MYO3B: variants seen among roughly 807,000 people sequenced by gnomAD.
The protein encoded by MYO3B is myosin IIIB.
In MYO3B, 156 loss-of-function variants were observed where a neutral mutation model predicts 174.6. The ratio of observed to expected loss-of-function variants is 0.89; its 90% CI spans 0.78 to 1.02. MYO3B has a LOEUF of 1.02. Among genes scored for constraint, MYO3B ranks in the 50% least tolerant of loss-of-function variants. The pLI is 0.00. For missense variants in MYO3B, 1,632 were observed against 1,639.4 expected, an observed-to-expected ratio of 1.00 and a Z score of 0.08; for synonymous variants, 563 against 569.1, an observed-to-expected ratio of 0.99 and a Z score of 0.15.
intron 25 of MYO3B, among the ~76,000 whole-genome samples, chr2:170,471,940 G>A (rs188049934): frequency 1.1e-4 from 16 of 150,742 alleles, no homozygotes; most frequent in African/African-American, 3.4e-4. Flanking sequence ...GTGGTGAGCC[G>A]AGATCGCGCC....
chr2:170,210,309 CTTTAT>C (rs2092756714), intron 3 of MYO3B, among the ~76,000 whole-genome samples: 1 of 152,166 alleles, frequency 6.6e-6, no homozygotes, highest in South Asian at 2.1e-4. Flanking sequence ...AAACTGTCAG[CTTTAT>C]TTTATCTAAT....
intron 22 of MYO3B, among the ~76,000 whole-genome samples, chr2:170,433,849 C>T (rs566411702): frequency 2.0e-5 from 3 of 152,306 alleles, no homozygotes; most frequent in South Asian, 2.1e-4. Flanking sequence ...ATATCCCTGT[C>T]GTTAAGCAGC....
chr2:170,233,645 G>A (rs1208029946), intron 6 of MYO3B, among the ~76,000 whole-genome samples: 1 of 152,218 alleles, frequency 6.6e-6, no homozygotes, highest in African/African-American at 2.4e-5. Context: ...ATTCTATTCA[G>A]AAGATGGGGC....
chr2:170,428,044 CA>C (rs1357212779), intron 22 of MYO3B, among the ~76,000 whole-genome samples: 2 of 152,000 alleles, frequency 1.3e-5, no homozygotes, highest in African/African-American at 4.8e-5. Context: ...AGAAAGGGAG[CA>C]AAAAACTATG....
chr2:170,440,916 C>T (rs2094795841), intron 22 of MYO3B, among the ~76,000 whole-genome samples: 1 of 149,840 alleles, frequency 6.7e-6, no homozygotes, highest in Admixed American at 6.7e-5. Context: ...ATTCTCCTGC[C>T]TCAGCCTCCA....
chr2:170,394,203 A>G (rs903694179), intron 16 of MYO3B, among the ~76,000 whole-genome samples: 2 of 152,188 alleles, frequency 1.3e-5, no homozygotes, highest in African/African-American at 4.8e-5. Context: ...GGAATGCTAA[A>G]CATGTGGGAG....
At chr2:170,427,318 T>G (rs936175068) in intron 22 of MYO3B, among the ~76,000 whole-genome samples, 1 of 152,186 alleles carries the variant, frequency 6.6e-6, no homozygotes. Context: ...AGATAATACT[T>G]TAATTTAGAA....
intron 21 of MYO3B, among the ~76,000 whole-genome samples, chr2:170,406,403 T>G (rs2094509396): frequency 6.6e-6 from 1 of 152,248 alleles, no homozygotes; most frequent in Non-Finnish European, 1.5e-5. Flanking sequence ...GAACTGATTT[T>G]CCTAACTGGA....
Position 170,652,123 on chromosome 2 carries a change from C to G in MYO3B, c.3856C>G (p.Gln1286Glu), listed in dbSNP as rs368030193. The change falls in exon 34 of 35, where the codon CAA (glutamine) becomes GAA (glutamate). Residue 1286 changes from glutamine (Q) to glutamate (E), a missense_variant. By Grantham distance (29) the Gln-to-Glu change is conservative (BLOSUM62 2). Transcript: ENST00000408978. ...CTCTCCACAGGGAACTCTAGAATATCAAGGGAGCAAGAGGAAGCCAAGAAA... is the reference window on the plus strand; with the variant it reads ...CTCTCCACAGGGAACTCTAGAATATGAAGGGAGCAAGAGGAAGCCAAGAAA... The part of the protein sequence containing the change: ...YNQLNGTLEY[Q>E]GSKRKPRKLG... 1 of 1,613,994 alleles carries G rather than the reference C, an allele frequency of 6.2e-7. No homozygotes were observed. Among genetic ancestry groups the G allele is most frequent in the South Asian group, 1.1e-5 (1 of 91,064 alleles).
intron 8 of MYO3B, among the ~76,000 whole-genome samples, chr2:170,357,940 G>A (rs571747765): frequency 3.2e-4 from 48 of 152,290 alleles, no homozygotes; most frequent in Admixed American, 2.3e-3. Context: ...ATCACCTGAG[G>A]TCGGGAGTTC....
At chr2:170,329,555 ATT>A (rs752223902) in intron 7 of MYO3B, among the ~76,000 whole-genome samples, 32 of 114,474 alleles carry the variant, frequency 2.8e-4, no homozygotes, top group South Asian at 2.9e-4. Flanking sequence ...TGATTTTTGT[ATT>A]TTTTTTTTTT....
At chr2:170,431,430 T>G (rs143619555) in intron 22 of MYO3B, among the ~76,000 whole-genome samples, 1 of 152,364 alleles carries the variant, frequency 6.6e-6, no homozygotes, top group Non-Finnish European at 1.5e-5. Flanking sequence ...ATCCTGTTTA[T>G]GAGTTTTAAA....
chr2:170,210,236 T>A (rs949908944), intron 3 of MYO3B, among the ~76,000 whole-genome samples: 4 of 152,238 alleles, frequency 2.6e-5, no homozygotes, highest in African/African-American at 9.6e-5. Context: ...TTGAATTTAG[T>A]CAATCTGTTC....
chr2:170,402,196 C>T (rs1230355390), intron 18 of MYO3B, among the ~76,000 whole-genome samples: 3 of 152,180 alleles, frequency 2.0e-5, no homozygotes, highest in Non-Finnish European at 4.4e-5. Context: ...TGACCTTGAG[C>T]AGTAGGATGT....
chr2:170,248,483 C>T (rs920266555), intron 7 of MYO3B, among the ~76,000 whole-genome samples: 5 of 152,124 alleles, frequency 3.3e-5, no homozygotes, highest in South Asian at 2.1e-4. Flanking sequence ...CCTTTAGTTC[C>T]GAAAGTCAGA....
chr2:170,343,430 TA>T (rs747088539), intron 8 of MYO3B: 1,544 of 142,458 alleles, frequency 0.011, 19 homozygotes, highest in East Asian at 0.017. Context: ...GAGACCTTGT[TA>T]AAAAAAAAAA....
rs758042332 is a variant in MYO3B at position 170,404,314 on chromosome 2, A to T, written c.2345A>T (p.Asp782Val). Residue 782 changes from aspartate (D) to valine (V), a missense_variant, in exon 20 of 35, where the codon GAC becomes GTC. Asp to Val is a radical substitution (Grantham distance 152). Transcript: ENST00000408978. ...TATGAGGACAACCGCCCGCTCTTGGACATGTTCCTCCAGAAACCCCTGGGA... is the reference window on the plus strand; with the variant it reads ...TATGAGGACAACCGCCCGCTCTTGGTCATGTTCCTCCAGAAACCCCTGGGA... ...VEYEDNRPLL[D>V]MFLQKPLGLL... The T allele has an allele frequency of 1.9e-6, 3 of 1,613,786 alleles. No individual in the cohort carries two copies. The highest frequency in any genetic ancestry group is 2.2e-5 in the East Asian group (1 of 44,870).
At chr2:170,465,117 C>T (rs1240696747) in intron 24 of MYO3B, among the ~76,000 whole-genome samples, 2 of 151,952 alleles carry the variant, frequency 1.3e-5, no homozygotes, top group Non-Finnish European at 2.9e-5. Flanking sequence ...AGGTAATCCA[C>T]CCACCTCGGC....
intron 8 of MYO3B, among the ~76,000 whole-genome samples, chr2:170,367,831 A>C (rs1005152749): frequency 6.6e-6 from 1 of 152,190 alleles, no homozygotes; most frequent in Non-Finnish European, 1.5e-5. Context: ...CCCTGAACCT[A>C]TAAAAGTCAA....
Sources: gnomAD v4.1 joint callset for allele counts (sites outside exome capture counted in the v4.1 genomes callset) on GRCh38, gnomAD v4.1.1 for gene constraint, MANE v1.5 for transcripts, NCBI Gene and HGNC (gene_info 2026-07-23, HGNC 2026-07-21) for gene names.